GNAL: variants seen among roughly 807,000 people sequenced by gnomAD.
GNAL encodes guanine nucleotide-binding protein G(olf) subunit alpha.
A neutral mutation model predicts 55.1 loss-of-function variants in GNAL; 18 were observed. The observed-to-expected ratio is 0.33, with a 90% CI of 0.23 to 0.48. The LOEUF is 0.48. GNAL is among the 20% of genes least tolerant of loss of function. The probability of loss-of-function intolerance (pLI) is 0.99; values close to 1 mark genes in which losing one functional copy is unlikely to be tolerated. For missense variants in GNAL, 412 were observed against 614.1 expected (o/e 0.67, Z 3.48); for synonymous variants, 253 against 237.0 (o/e 1.07, Z -0.62).
intron 4 of GNAL, among the ~76,000 whole-genome samples, chr18:11,780,302 A>G (rs1417751824): frequency 2.0e-5 from 3 of 151,914 alleles, no homozygotes; most frequent in East Asian, 1.9e-4. Flanking sequence ...CTGTGTTTAT[A>G]TATTTGATTC....
At chr18:11,824,262 TGGGGG>T (rs113728715) in intron 4 of GNAL, among the ~76,000 whole-genome samples, 103,142 of 145,192 alleles carry the variant, frequency 0.71, 37,689 homozygotes, top group Admixed American at 0.83. Flanking sequence ...ATGGCTGAGA[TGGGGG>T]GGGGGTTCAA....
rs150660049 is a variant in GNAL at position 11,743,641 on chromosome 18, C to T, written c.377-9212C>T. On this transcript the variant is annotated intron_variant, in intron 1 of 11. Coordinates refer to ENST00000334049, the MANE Select transcript of GNAL (RefSeq NM_182978.4). The stretch of plus-strand genomic sequence containing the variant: ...AGCACCATCTTTAAAGCTTTTTAGA[C>T]TGGTTTTGAAACTTCACTTTGGTAT... Among the ~76,000 whole-genome samples, 421 of 152,256 alleles carry T rather than the reference C, an allele frequency of 2.8e-3. 2 individuals are homozygous for T. Among genetic ancestry groups the T allele is most frequent in the African/African-American group, 9.4e-3 (389 of 41,560 alleles).
chr18:11,869,063 A>G (rs538061719), intron 9 of GNAL, among the ~76,000 whole-genome samples: 81 of 152,256 alleles, frequency 5.3e-4, no homozygotes, highest in Admixed American at 1.6e-3. Context: ...CTCTTTACTG[A>G]TAAATCCAGA....
intron 4 of GNAL, among the ~76,000 whole-genome samples, chr18:11,812,952 T>C (rs2034856877): frequency 6.6e-6 from 1 of 151,890 alleles, no homozygotes; most frequent in African/African-American, 2.4e-5. Flanking sequence ...ATTATTGAGA[T>C]AATTTAAATA....
intron 4 of GNAL, among the ~76,000 whole-genome samples, chr18:11,788,265 T>C (rs1178165498): frequency 6.6e-6 from 1 of 152,190 alleles, no homozygotes; most frequent in Non-Finnish European, 1.5e-5. Flanking sequence ...GAATCTATTT[T>C]AATAGCTCCC....
chr18:11,875,325 C>T (rs899837851), intron 10 of GNAL, among the ~76,000 whole-genome samples: 1 of 152,190 alleles, frequency 6.6e-6, no homozygotes, highest in South Asian at 2.1e-4. Context: ...ATTTCTCCCC[C>T]ACCCCAGCCT....
chr18:11,705,382 A>G (rs2031683789), intron 1 of GNAL, among the ~76,000 whole-genome samples: 1 of 152,216 alleles, frequency 6.6e-6, no homozygotes, highest in Non-Finnish European at 1.5e-5. Context: ...CTGCTTCAGT[A>G]TCTTGGCTAT....
chr18:11,806,150 T>C (rs1054666607), intron 4 of GNAL, among the ~76,000 whole-genome samples: 1 of 152,240 alleles, frequency 6.6e-6, no homozygotes, highest in Admixed American at 6.5e-5. Context: ...TGTCTTCTTT[T>C]TAAAAGTGTC....
Position 11,805,116 on chromosome 18 carries a change from CATGGAGATATTGTGTAGTGGTGAAGT to C in GNAL, c.625-19800_625-19775del, listed in dbSNP as rs1177248154. On this transcript the variant is annotated intron_variant, in intron 4 of 11. Coordinates refer to ENST00000334049, the MANE Select transcript of GNAL (RefSeq NM_182978.4). ...AAGTACAGGTGCAATTTGAGTGGAACATGGAGATATTGTGTAGTGGTGAAGTACAGGTGCAATTTGAGTGGAACATG... is the reference window on the plus strand; with the variant it reads ...AAGTACAGGTGCAATTTGAGTGGAACACAGGTGCAATTTGAGTGGAACATG... Among the ~76,000 whole-genome samples the C allele has an allele frequency of 5.2e-3, 656 of 126,782 alleles. 33 individuals carry two copies. The highest frequency in any genetic ancestry group is 0.014 in the Middle Eastern group (3 of 212). The allele number at this position is 126,782 out of a possible 152,430, so 83.2% of individuals were successfully genotyped here.
intron 4 of GNAL, among the ~76,000 whole-genome samples, chr18:11,800,075 C>T (rs1007169984): frequency 6.6e-6 from 1 of 152,126 alleles, no homozygotes; most frequent in African/African-American, 2.4e-5. Context: ...TCCTATGGCA[C>T]GTGCTGTTTT....
At chr18:11,801,637 C>A (rs143307875) in intron 4 of GNAL, among the ~76,000 whole-genome samples, 1 of 152,154 alleles carries the variant, frequency 6.6e-6, no homozygotes, top group African/African-American at 2.4e-5. Flanking sequence ...GACCAGGCTG[C>A]TGCTATAATC....
At chr18:11,738,333 T>C (rs962223037) in intron 1 of GNAL, among the ~76,000 whole-genome samples, 4 of 151,938 alleles carry the variant, frequency 2.6e-5, no homozygotes, top group African/African-American at 9.7e-5. Flanking sequence ...TGTCTTAACT[T>C]CTTGTAGCAT....
In GNAL at chr18:11,884,390, T is replaced by A. The variant is rs189816391; in HGVS notation, c.*3255T>A. ...CATCATCCACTTGATTCTAACATGA[T>A]CTCTGCCCAAAGTTCCATTTCTTGG... On this transcript the variant is annotated 3_prime_UTR_variant, in exon 12 of 12. Transcript: ENST00000334049. The A allele has an allele frequency of 2.6e-5, 40 of 1,561,548 alleles. No individual in the cohort carries two copies. Among genetic ancestry groups the A allele is most frequent in the Non-Finnish European group, 3.3e-5 (38 of 1,138,326 alleles).
intron 5 of GNAL, chr18:11,851,419 A>C (rs930032033): frequency 7.8e-6 from 11 of 1,407,634 alleles, no homozygotes; most frequent in Admixed American, 2.9e-5. Flanking sequence ...GGACCAAAAC[A>C]AAGGAGCGGC....
At chr18:11,694,497 A>T (rs965675129) in intron 1 of GNAL, among the ~76,000 whole-genome samples, 1 of 152,186 alleles carries the variant, frequency 6.6e-6, no homozygotes, top group African/African-American at 2.4e-5. Flanking sequence ...GCATGGTTGA[A>T]GCATGCCGTG....
intron 1 of GNAL, among the ~76,000 whole-genome samples, chr18:11,695,254 CT>C (rs1400629729): frequency 6.6e-6 from 1 of 152,200 alleles, no homozygotes; most frequent in Non-Finnish European, 1.5e-5. Context: ...TAAGCATTTG[CT>C]CAAATTAATA....
At chr18:11,867,018 G>C (rs2036278770) in intron 7 of GNAL, 150 bp from the exon 8 acceptor site, 1 of 683,672 alleles carries the variant, frequency 1.5e-6, no homozygotes, top group South Asian at 1.6e-5. Flanking sequence ...GGATCACACA[G>C]GGAGTGATGG....
chr18:11,700,238 T>C (rs928456066), intron 1 of GNAL, among the ~76,000 whole-genome samples: 7 of 152,220 alleles, frequency 4.6e-5, no homozygotes, highest in African/African-American at 1.7e-4. Context: ...GCAGGAAAGA[T>C]AGCGGCCCAT....
rs183464806 is a variant in GNAL at position 11,871,957 on chromosome 18, C to G, written c.1032-311C>G. Among the ~76,000 whole-genome samples the G allele has an allele frequency of 3.6e-3, 555 of 152,296 alleles. 9 individuals carry two copies. The highest frequency in any genetic ancestry group is 0.014 in the Middle Eastern group (4 of 294). Reference sequence around the variant, plus strand: ...CATTATACTTACTAGTCCAGCATCCCTAATATGAAAATGCAAAGTGTCAAA... The same window carrying G: ...CATTATACTTACTAGTCCAGCATCCGTAATATGAAAATGCAAAGTGTCAAA... On this transcript the variant is annotated intron_variant, in intron 9 of 11. Transcript: ENST00000334049.
Sources: gnomAD v4.1 joint callset for allele counts (sites outside exome capture counted in the v4.1 genomes callset) on GRCh38, gnomAD v4.1.1 for gene constraint, MANE v1.5 for transcripts, NCBI Gene and HGNC (gene_info 2026-07-23, HGNC 2026-07-21) for gene names.